JMY: variants seen among roughly 807,000 people sequenced by gnomAD.
The protein encoded by JMY is junction mediating and regulatory protein, p53 cofactor, also known as junction-mediating and -regulatory protein.
A neutral mutation model predicts 103.3 loss-of-function variants in JMY; 46 were observed. That is an observed-to-expected ratio of 0.45 (90% confidence interval 0.35 to 0.57). JMY has a LOEUF of 0.57. JMY is among the 20% of genes least tolerant of loss of function. The pLI, the probability that JMY is intolerant of heterozygous loss-of-function variation, is 0.00. For missense variants in JMY, 1,238 were observed against 1,255.2 expected, an observed-to-expected ratio of 0.99 and a Z score of 0.21; for synonymous variants, 526 against 489.3, an observed-to-expected ratio of 1.07 and a Z score of -0.99.
In JMY at chr5:79,274,234, A is replaced by G. The variant is rs569288326; in HGVS notation, c.1033-3676A>G. Among the ~76,000 whole-genome samples the G allele has an allele frequency of 1.4e-4, 22 of 152,116 alleles. No homozygotes were observed. The South Asian group carries it at 3.5e-3, about 24-fold the overall frequency. On this transcript the variant is annotated intron_variant, in intron 1 of 10. Transcript: ENST00000396137. ...CCATACAGCGAATTTTCTATCCTAG[A>G]ATTAGTTTCTATTTTTTGAGATTTC...
At position 79,236,909 on chromosome 5, in the gene JMY, A is replaced by AG; in HGVS notation, c.263dup (p.Arg89SerfsTer12). The AG allele has an allele frequency of 7.4e-7, 1 of 1,356,490 alleles. No homozygotes were observed. The allele number at this position is 1,356,490 out of a possible 1,614,324, so 84.0% of individuals were successfully genotyped here. On this transcript the variant is annotated frameshift_variant, in exon 1 of 11. Transcript: ENST00000396137. LOFTEE classifies it high-confidence loss of function. ...CCGCGGGCCCGGCAGCCCGGCGGGCAGGGGTCGGCCCGAGGCCACTGCCTC... is the reference window on the plus strand; with the variant it reads ...CCGCGGGCCCGGCAGCCCGGCGGGCAGGGGGTCGGCCCGAGGCCACTGCCTC...
rs1298907096 is a variant in JMY at position 79,325,833 on chromosome 5, T to C, written c.*4231T>C. The C allele has an allele frequency of 6.6e-6, 1 of 152,176 alleles. No individual in the cohort carries two copies. Among genetic ancestry groups the C allele is most frequent in the African/African-American group, 2.4e-5 (1 of 41,458 alleles). 9.4% of individuals were successfully genotyped at this position (152,176 alleles called of 1,614,324 possible). A position where few individuals can be genotyped will look rare whatever the true frequency, so the allele number is the denominator to read the frequency against. On this transcript the variant is annotated 3_prime_UTR_variant, in exon 11 of 11. Coordinates refer to ENST00000396137, the MANE Select transcript of JMY (RefSeq NM_152405.5). ...TTATATTGTTGCCTAAACTATGTTA[T>C]GTAAGCAAAGGGTTTGGAAAGGCGG...
intron 4 of JMY, 44 bp from the exon 5 acceptor site, chr5:79,300,109 G>A: frequency 1.3e-6 from 2 of 1,567,696 alleles, no homozygotes; most frequent in Non-Finnish European, 8.8e-7. Context: ...CAATTTTCTT[G>A]TCCCCACCAG....
intron 10 of JMY, among the ~76,000 whole-genome samples, chr5:79,316,996 CCA>C (rs1270127273): frequency 1.3e-5 from 2 of 151,516 alleles, no homozygotes; most frequent in Non-Finnish European, 2.9e-5. Context: ...TCTCTTGAGC[CCA>C]GGCGTTCAAA....
intron 1 of JMY, among the ~76,000 whole-genome samples, chr5:79,239,066 C>T (rs1250064340): frequency 6.6e-6 from 1 of 152,108 alleles, no homozygotes; most frequent in Admixed American, 6.6e-5. Flanking sequence ...GAGCTAGAGC[C>T]TCATGTTTTT....
chr5:79,323,993 A>ATAAC lies in JMY; in HGVS notation c.*2393_*2396dup, dbSNP rs1747548251. The ATAAC allele has an allele frequency of 6.6e-6, 1 of 152,228 alleles. No individual in the cohort carries two copies. The highest frequency in any genetic ancestry group is 6.5e-5 in the Admixed American group (1 of 15,280). 9.4% of individuals were successfully genotyped at this position (152,228 alleles called of 1,614,324 possible). A position where few individuals can be genotyped will look rare whatever the true frequency, so the allele number is the denominator to read the frequency against. ...GCCAGCTATGCCCATCCTCTTGTAA[A>ATAAC]TAACTTTCCAACACACCCATTTCCT... On this transcript the variant is annotated 3_prime_UTR_variant, in exon 11 of 11. Coordinates refer to ENST00000396137, the MANE Select transcript of JMY (RefSeq NM_152405.5).
intron 1 of JMY, among the ~76,000 whole-genome samples, chr5:79,260,547 A>AT (rs1745390200): frequency 6.7e-6 from 1 of 148,530 alleles, no homozygotes; most frequent in South Asian, 2.1e-4. Context: ...TACCCAGCTG[A>AT]TTTTTGTGGG....
intron 1 of JMY, among the ~76,000 whole-genome samples, chr5:79,261,872 G>T (rs987850434): frequency 5.9e-5 from 9 of 152,056 alleles, no homozygotes; most frequent in Admixed American, 2.0e-4. Context: ...TGATCTGCCC[G>T]TCTAGGCCTC....
intron 7 of JMY, among the ~76,000 whole-genome samples, chr5:79,310,305 C>T (rs1747010679): frequency 6.6e-6 from 1 of 152,028 alleles, no homozygotes; most frequent in African/African-American, 2.4e-5. Context: ...GAGTTATCTG[C>T]CCGCCTCGCC....
At chr5:79,279,299 A>C (rs899820637) in intron 2 of JMY, among the ~76,000 whole-genome samples, 5 of 152,150 alleles carry the variant, frequency 3.3e-5, no homozygotes, top group African/African-American at 9.7e-5. Context: ...GCACCACTGC[A>C]CTCCAGCCTG....
At chr5:79,280,019 G>A (rs966677439) in intron 2 of JMY, among the ~76,000 whole-genome samples, 3 of 151,998 alleles carry the variant, frequency 2.0e-5, no homozygotes, top group African/African-American at 4.8e-5. Context: ...GTTTTTTGTC[G>A]TAGTTTTTGT....
chr5:79,268,328 A>G (rs1289721035), intron 1 of JMY, among the ~76,000 whole-genome samples: 2 of 152,130 alleles, frequency 1.3e-5, no homozygotes, highest in Admixed American at 6.5e-5. Flanking sequence ...ATTTCCATCA[A>G]CAGTGAATGA....
chr5:79,278,140 A>G (rs1012091203), intron 2 of JMY, 57 bp downstream of exon 2: 19 of 1,375,172 alleles, frequency 1.4e-5, no homozygotes, highest in Admixed American at 2.0e-5. Context: ...CTCAGCCTGA[A>G]AGGCCATGCG....
Position 79,318,206 on chromosome 5 carries a change from G to A in JMY, c.*3+1896G>A, listed in dbSNP as rs182963645. Among the ~76,000 whole-genome samples, 5 of 151,168 alleles carry A rather than the reference G, an allele frequency of 3.3e-5. No homozygotes were observed. The East Asian group carries it at 9.7e-4, about 29-fold the overall frequency. On this transcript the variant is annotated intron_variant, in intron 10 of 10. Coordinates refer to ENST00000396137, the MANE Select transcript of JMY (RefSeq NM_152405.5). The stretch of plus-strand genomic sequence containing the variant: ...TTTTTTGTATTTTTAGTAGAGATAG[G>A]GTTTCACCATCTTGGCCAGGCTGGT...
chr5:79,300,173 T>C lies in JMY; in HGVS notation c.1548T>C (p.Gly516=). 1 of 1,613,400 alleles carries C rather than the reference T, an allele frequency of 6.2e-7. No homozygotes were observed. The highest frequency in any genetic ancestry group is 8.5e-7 in the Non-Finnish European group (1 of 1,179,696). Residue 516 remains glycine (G), a synonymous_variant, in exon 5 of 11, where the codon GGT becomes GGC. Coordinates refer to ENST00000396137, the MANE Select transcript of JMY (RefSeq NM_152405.5). ...TGCAGATGCAGAGTTTGCGGGGTGG[T>C]ACAGAAGCGATAGCACGATTGGATC... ...LKEEMQSLRG[G]TEAIARLDQL... is the part of the protein sequence containing the mutation.
intron 1 of JMY, among the ~76,000 whole-genome samples, chr5:79,267,458 A>G (rs556901391): frequency 3.5e-5 from 5 of 144,432 alleles, no homozygotes; most frequent in Admixed American, 1.4e-4. Context: ...TGGCATTTCC[A>G]GGATGTTATG....
chr5:79,307,808 G>C (rs547666083), intron 7 of JMY, among the ~76,000 whole-genome samples: 1 of 151,948 alleles, frequency 6.6e-6, no homozygotes, highest in Admixed American at 6.6e-5. Context: ...GCGCGATCTC[G>C]GCTCACTGCA....
rs1252904027 is a variant in JMY at position 79,292,452 on chromosome 5, C to T, written c.1527+1153C>T. 5.9e-5 allele frequency among the ~76,000 whole-genome samples: 9 copies of T among 151,658 alleles called. No homozygotes were observed. The East Asian group carries it at 7.7e-4, about 13-fold the overall frequency. On this transcript the variant is annotated intron_variant, in intron 4 of 10. Transcript: ENST00000396137. Reference sequence around the variant, plus strand: ...ACCTCAGGCTCCTGAGTAGCAGGCACGCACCCCCCCCAACACCTTGCAAAT... The same window carrying T: ...ACCTCAGGCTCCTGAGTAGCAGGCATGCACCCCCCCCAACACCTTGCAAAT...
intron 1 of JMY, among the ~76,000 whole-genome samples, chr5:79,249,859 A>C (rs1340875299): frequency 6.6e-6 from 1 of 152,136 alleles, no homozygotes; most frequent in African/African-American, 2.4e-5. Context: ...GTGGTTCCAG[A>C]GTTTGAGTTA....
Sources: gnomAD v4.1 joint callset for allele counts (sites outside exome capture counted in the v4.1 genomes callset) on GRCh38, gnomAD v4.1.1 for gene constraint, MANE v1.5 for transcripts, NCBI Gene and HGNC (gene_info 2026-07-23, HGNC 2026-07-21) for gene names.